UNC5A: variants seen among roughly 807,000 people sequenced by gnomAD.
UNC5A encodes the protein netrin receptor UNC5A.
UNC5A carries 20 observed loss-of-function variants against 87.4 expected under a neutral mutation model. That is an observed-to-expected ratio of 0.23 (90% CI 0.16 to 0.33). UNC5A has a LOEUF of 0.33. Among genes scored for constraint, UNC5A ranks in the 10% least tolerant of loss-of-function variants. The pLI is 1.00. For missense variants in UNC5A, 844 were observed against 1,133.4 expected, an observed-to-expected ratio of 0.74 and a Z score of 3.67; for synonymous variants, 438 against 482.3, an observed-to-expected ratio of 0.91 and a Z score of 1.20.
intron 1 of UNC5A, among the ~76,000 whole-genome samples, chr5:176,829,830 G>A (rs186906541): frequency 6.7e-6 from 1 of 149,762 alleles, no homozygotes; most frequent in Admixed American, 6.7e-5. Context: ...TTACCACGGG[G>A]CTGGTTCATT....
rs146291927 is a variant in UNC5A, at chr5:176,823,537, G to A, written c.70+12717G>A. Reference sequence around the variant, plus strand: ...GGTTTCCTTTAGGGCACTGAAAGCCGTCCGGGAAAGGTGGATTTACTTGGT... The same window carrying A: ...GGTTTCCTTTAGGGCACTGAAAGCCATCCGGGAAAGGTGGATTTACTTGGT... On this transcript the variant is annotated intron_variant, in intron 1 of 14. Transcript: ENST00000329542. Among the ~76,000 whole-genome samples, 473 of 152,206 alleles carry A rather than the reference G, an allele frequency of 3.1e-3. 6 individuals carry two copies. Among genetic ancestry groups the A allele is most frequent in the African/African-American group, 0.01 (435 of 41,510 alleles).
At chr5:176,837,487 CCA>C (rs1757174716) in intron 1 of UNC5A, among the ~76,000 whole-genome samples, 1 of 152,138 alleles carries the variant, frequency 6.6e-6, no homozygotes, top group Non-Finnish European at 1.5e-5. Context: ...CTTCAGGGAC[CCA>C]CACCCTGGAG....
rs1332074779 is a variant in UNC5A, at chr5:176,875,364, T to C, written c.1378+798T>C. Among the ~76,000 whole-genome samples the C allele has an allele frequency of 6.8e-6, 1 of 148,120 alleles. No homozygotes were observed. The highest frequency in any genetic ancestry group is 2.5e-5 in the African/African-American group (1 of 40,444). ...CCTAAAACAGAACCGTCTCCCACCC[T>C]CCCCCAGAGCCTCCCCATTCCTGGC... is the stretch of plus-strand genomic sequence containing the variant. On this transcript the variant is annotated intron_variant, in intron 8 of 14. Transcript: ENST00000329542. The surrounding 1 kb of genome is among the most constrained non-coding windows in gnomAD (Gnocchi z 5.2).
intron 1 of UNC5A, among the ~76,000 whole-genome samples, chr5:176,842,445 C>A (rs926635890): frequency 2.0e-5 from 3 of 151,756 alleles, no homozygotes; most frequent in South Asian, 2.1e-4. Flanking sequence ...ATTGCACAGT[C>A]GTGGAACCAA....
At chr5:176,876,755 A>C (rs1053166441) in intron 8 of UNC5A, among the ~76,000 whole-genome samples, 1 of 152,172 alleles carries the variant, frequency 6.6e-6, no homozygotes, top group African/African-American at 2.4e-5. Flanking sequence ...TTCCAGAACC[A>C]CCAACTTTGT....
intron 3 of UNC5A, 41 bp downstream of exon 3, chr5:176,868,314 G>T: frequency 8.1e-6 from 13 of 1,609,886 alleles, no homozygotes; most frequent in African/African-American, 1.3e-5. Flanking sequence ...CGCACGGCGG[G>T]AGGGTGTCAC....
chr5:176,827,101 C>A (rs2113597980), intron 1 of UNC5A, among the ~76,000 whole-genome samples: 1 of 151,578 alleles, frequency 6.6e-6, no homozygotes, highest in Non-Finnish European at 1.5e-5. Flanking sequence ...TCCTCTGTGC[C>A]TGGCCTCTTT....
intron 1 of UNC5A, among the ~76,000 whole-genome samples, chr5:176,860,150 C>A (rs1034457723): frequency 6.6e-6 from 1 of 152,238 alleles, no homozygotes; most frequent in Non-Finnish European, 1.5e-5. Flanking sequence ...CAGGCACAGG[C>A]CAGCGCATTG....
At chr5:176,819,524 A>G (rs1013585093) in intron 1 of UNC5A, among the ~76,000 whole-genome samples, 6 of 152,124 alleles carry the variant, frequency 3.9e-5, no homozygotes, top group African/African-American at 1.4e-4. Context: ...CCACTCTCCA[A>G]CAGCCTCTTC....
At chr5:176,830,741 GGT>G (rs527750119) in intron 1 of UNC5A, among the ~76,000 whole-genome samples, 7 of 57,560 alleles carry the variant, frequency 1.2e-4, no homozygotes, top group African/African-American at 3.5e-4. Context: ...TGGGTGTGCT[GGT>G]GTGTGTGCGC....
At position 176,874,233 on chromosome 5, in the gene UNC5A, G is replaced by A. The variant is rs1030995507; in HGVS notation, c.1076-31G>A. On this transcript the variant is annotated intron_variant, in intron 7 of 14. Transcript: ENST00000329542. This position sits in a 1 kb window ranked among gnomAD's most constrained non-coding sequence, Gnocchi z 7.6. ...CTGCTGGGGCAGGGATGCCCTAGGT[G>A]CCATTGCCTGAGTCTGTCTTTATCC... 3 of 1,585,986 alleles carry A rather than the reference G, an allele frequency of 1.9e-6. No homozygotes were observed. Among genetic ancestry groups the A allele is most frequent in the African/African-American group, 2.7e-5 (2 of 74,088 alleles).
rs756915756 is a variant in UNC5A, at chr5:176,868,909, G to A, written c.666G>A (p.Val222=). Residue 222 remains valine, a synonymous_variant, in exon 5 of 15, where the codon GTG becomes GTA. Coordinates refer to ENST00000329542, the MANE Select transcript of UNC5A (RefSeq NM_133369.3). ...RLADTANYTC[V]AKNIVARRRS... Reference sequence around the variant, plus strand: ...CTGACACGGCCAACTACACCTGCGTGGCCAAGAACATCGTGGCACGTCGCC... The same window carrying A: ...CTGACACGGCCAACTACACCTGCGTAGCCAAGAACATCGTGGCACGTCGCC... 5 of 1,612,566 alleles carry A rather than the reference G, an allele frequency of 3.1e-6. No individual in the cohort carries two copies. Among genetic ancestry groups the A allele is most frequent in the Non-Finnish European group, 4.2e-6 (5 of 1,179,770 alleles).
chr5:176,820,562 G>C (rs1401871589), intron 1 of UNC5A, among the ~76,000 whole-genome samples: 2 of 152,204 alleles, frequency 1.3e-5, no homozygotes, highest in Non-Finnish European at 2.9e-5. Flanking sequence ...CATGTTTCTA[G>C]TCCATCCTTA....
chr5:176,849,066 G>C (rs918205327), intron 1 of UNC5A, among the ~76,000 whole-genome samples: 1 of 152,182 alleles, frequency 6.6e-6, no homozygotes, highest in African/African-American at 2.4e-5. Context: ...AGACTGGGAG[G>C]GCACAGCAGG....
chr5:176,815,948 G>A (rs1245909078), intron 1 of UNC5A, among the ~76,000 whole-genome samples: 1 of 152,260 alleles, frequency 6.6e-6, no homozygotes, highest in South Asian at 2.1e-4. Context: ...ATGCAACTGT[G>A]TGTTGATGAT....
In UNC5A at chr5:176,865,401, C is replaced by T. The variant is rs915602414; in HGVS notation, c.292+2556C>T. The T allele has an allele frequency of 1.8e-4, 65 of 353,822 alleles. No homozygotes were observed. Among genetic ancestry groups the T allele is most frequent in the Admixed American group, 5.7e-4 (15 of 26,364 alleles). The allele number at this position is 353,822 out of a possible 1,614,324, so 21.9% of individuals were successfully genotyped here. Reference sequence around the variant, plus strand: ...GAGCAGTCGCAGGCCCGGGCCGGCACACACACCGGGAGCCCCTGGCCCACA... The same window carrying T: ...GAGCAGTCGCAGGCCCGGGCCGGCATACACACCGGGAGCCCCTGGCCCACA... On this transcript the variant is annotated intron_variant, in intron 2 of 14. Transcript: ENST00000329542. This position sits in a 1 kb window ranked among gnomAD's most constrained non-coding sequence, Gnocchi z 5.3.
At chr5:176,852,922 G>T (rs1757580640) in intron 1 of UNC5A, among the ~76,000 whole-genome samples, 1 of 152,260 alleles carries the variant, frequency 6.6e-6, no homozygotes. Flanking sequence ...ATGTTTTACG[G>T]AAGAGTAACC....
rs1291794121 is a variant in UNC5A, at chr5:176,866,228, G to A, written c.293-1902G>A. 1.3e-5 allele frequency among the ~76,000 whole-genome samples: 2 copies of A among 152,160 alleles called. No individual in the cohort carries two copies. The highest frequency in any genetic ancestry group is 4.8e-5 in the African/African-American group (2 of 41,430). ...GGCTGCCTGATGATCCACAAGAGGA[G>A]AGCGCACAGCCCCTCACATCAAAGA... is the stretch of plus-strand genomic sequence containing the variant. On this transcript the variant is annotated intron_variant, in intron 2 of 14. Transcript: ENST00000329542. This position sits in a 1 kb window ranked among gnomAD's most constrained non-coding sequence, Gnocchi z 5.0.
In UNC5A at chr5:176,879,450, C is replaced by G; in HGVS notation, c.2325C>G (p.Ala775=). ...SSLDPPCRRG[A]DWRTLAQKLH... is the part of the protein sequence containing the mutation. Reference sequence around the variant, plus strand: ...TGGACCCACCCTGTAGGCGGGGTGCCGACTGGCGGACTCTGGCCCAGAAAC... The same window carrying G: ...TGGACCCACCCTGTAGGCGGGGTGCGGACTGGCGGACTCTGGCCCAGAAAC... Residue 775 remains alanine, a synonymous_variant, in exon 14 of 15, where the codon GCC becomes GCG. Coordinates refer to ENST00000329542, the MANE Select transcript of UNC5A (RefSeq NM_133369.3). The G allele has an allele frequency of 6.2e-7, 1 of 1,611,592 alleles. No homozygotes were observed.
Sources: allele counts gnomAD v4.1 joint callset (sites outside exome capture counted in the v4.1 genomes callset), GRCh38; gene constraint gnomAD v4.1.1; non-coding constraint Gnocchi (gnomAD v3.1); transcripts MANE v1.5; gene names NCBI Gene and HGNC (gene_info 2026-07-23, HGNC 2026-07-21).